Variants in ZMAT4 observed in about 807,000 individuals in gnomAD.
ZMAT4 encodes zinc finger matrin-type 4, also known as zinc finger matrin-type protein 4.
In ZMAT4, 17 loss-of-function variants were observed where a neutral mutation model predicts 28.7. The ratio of observed to expected loss-of-function variants is 0.59; its 90% confidence interval spans 0.41 to 0.89. The LOEUF (loss-of-function observed/expected upper bound fraction) is 0.89. Among genes scored for constraint, ZMAT4 ranks in the 40% least tolerant of loss-of-function variants. The probability of loss-of-function intolerance (pLI) is 0.00; values close to 1 mark genes in which losing one functional copy is unlikely to be tolerated. For synonymous variants in ZMAT4, 117 were observed against 109.2 expected (o/e 1.07, Z -0.44); for missense variants, 240 against 283.8 (o/e 0.85, Z 1.11).
chr8:40,649,265 G>A (rs1272739314), intron 5 of ZMAT4, among the ~76,000 whole-genome samples: 2 of 151,928 alleles, frequency 1.3e-5, no homozygotes, highest in Non-Finnish European at 2.9e-5. Context: ...AAAAGGCAGG[G>A]GTTGCAATCC....
At chr8:40,690,967 T>C in intron 4 of ZMAT4, 1 of 975,616 alleles carries the variant, frequency 1.0e-6, no homozygotes. Context: ...AAATACTTGA[T>C]TTAAAGTGTA....
intron 1 of ZMAT4, among the ~76,000 whole-genome samples, chr8:40,826,717 C>A (rs535705733): frequency 1.3e-5 from 2 of 152,154 alleles, no homozygotes; most frequent in Non-Finnish European, 2.9e-5. Flanking sequence ...CCACCTCCAC[C>A]ACCGCACACC....
At chr8:40,692,194 A>G (rs1809693517) in intron 4 of ZMAT4, among the ~76,000 whole-genome samples, 1 of 152,206 alleles carries the variant, frequency 6.6e-6, no homozygotes, top group African/African-American at 2.4e-5. Flanking sequence ...CCTGCAGAGC[A>G]CACCTCAGAA....
At chr8:40,657,502 AT>A (rs1201667743) in intron 5 of ZMAT4, among the ~76,000 whole-genome samples, 1 of 151,788 alleles carries the variant, frequency 6.6e-6, no homozygotes, top group African/African-American at 2.4e-5. Flanking sequence ...CCTGGATTTA[AT>A]TTTTTGTTTT....
chr8:40,674,543 C>T, intron 5 of ZMAT4, 161 bp downstream of exon 5: 1 of 593,924 alleles, frequency 1.7e-6, no homozygotes. Context: ...TAAACTAAAG[C>T]AAGCCTTCTG....
chr8:40,567,294 C>T (rs986165775), intron 6 of ZMAT4, among the ~76,000 whole-genome samples: 42 of 152,188 alleles, frequency 2.8e-4, no homozygotes, highest in South Asian at 1.7e-3. Flanking sequence ...ATACATGGTT[C>T]CTATTTGCTG....
chr8:40,557,103 C>T (rs144925345), intron 6 of ZMAT4, among the ~76,000 whole-genome samples: 1 of 152,142 alleles, frequency 6.6e-6, no homozygotes, highest in African/African-American at 2.4e-5. Context: ...TATTTCTGTG[C>T]CTGTCTGATC....
chr8:40,590,002 T>TTCCG (rs1804834230), intron 5 of ZMAT4, among the ~76,000 whole-genome samples: 1 of 118,376 alleles, frequency 8.4e-6, no homozygotes, highest in Admixed American at 9.7e-5. Flanking sequence ...CCTTCCTTCC[T>TTCCG]TCCTTCCTTC....
At chr8:40,757,549 G>A (rs1014909061) in intron 3 of ZMAT4, among the ~76,000 whole-genome samples, 1 of 149,698 alleles carries the variant, frequency 6.7e-6, no homozygotes, top group Non-Finnish European at 1.5e-5. Flanking sequence ...TTGTGCCACT[G>A]CACTCCAGGC....
Position 40,885,909 on chromosome 8 carries a change from C to G in ZMAT4, c.-5+11774G>C, listed in dbSNP as rs1317086520. ...ACGTTTCTCCCTTGCACTCATTGGC[C>G]CTTCCACAGGTTTGCTTATGTGTTT... On this transcript the variant is annotated intron_variant, in intron 1 of 6. Coordinates refer to ENST00000297737, the MANE Select transcript of ZMAT4 (RefSeq NM_024645.3). 1.3e-5 allele frequency among the ~76,000 whole-genome samples: 2 copies of G among 152,160 alleles called. 1 individual carries two copies.
In ZMAT4 at chr8:40,640,625, A is replaced by AT. The variant is rs1806977106; in HGVS notation, c.577+34078_577+34079insA. ...AGATCTTGGGATAGTTCCAGAAAAA[A>AT]GAAAAAAAGGTTTTTGTCAACTTAG... On this transcript the variant is annotated intron_variant, in intron 5 of 6. Transcript: ENST00000297737. 3.0e-5 allele frequency among the ~76,000 whole-genome samples: 3 copies of AT among 101,178 alleles called. No individual in the cohort carries two copies. The South Asian group carries it at 1.1e-3, about 36-fold the overall frequency. 66.4% of individuals were successfully genotyped at this position (101,178 alleles called of 152,430 possible).
At chr8:40,707,394 T>C (rs1312769307) in intron 3 of ZMAT4, among the ~76,000 whole-genome samples, 3 of 152,210 alleles carry the variant, frequency 2.0e-5, no homozygotes, top group African/African-American at 7.2e-5. Flanking sequence ...ATTCAAAAGA[T>C]ACTTGATGAA....
chr8:40,690,932 A>G, intron 4 of ZMAT4: 2 of 985,070 alleles, frequency 2.0e-6, no homozygotes, highest in Non-Finnish European at 2.4e-6. Context: ...CTTTTCTTAC[A>G]TTGTTTACTG....
intron 3 of ZMAT4, among the ~76,000 whole-genome samples, chr8:40,703,091 AAAAT>A (rs1241115588): frequency 6.6e-6 from 1 of 152,204 alleles, no homozygotes; most frequent in African/African-American, 2.4e-5. Context: ...TGGATTGACA[AAAAT>A]ATTGTGACCA....
chr8:40,593,383 A>C (rs908857659), intron 5 of ZMAT4, among the ~76,000 whole-genome samples: 1 of 152,216 alleles, frequency 6.6e-6, no homozygotes, highest in Non-Finnish European at 1.5e-5. Context: ...TATGCAGGGC[A>C]CAATGAACAA....
intron 5 of ZMAT4, among the ~76,000 whole-genome samples, chr8:40,672,856 ATCC>A (rs1808737742): frequency 6.6e-6 from 1 of 152,158 alleles, no homozygotes; most frequent in Admixed American, 6.5e-5. Context: ...AACATATGAA[ATCC>A]TCCATCAAAA....
chr8:40,535,329 G>C (rs1244471116), intron 6 of ZMAT4, among the ~76,000 whole-genome samples: 3 of 152,092 alleles, frequency 2.0e-5, no homozygotes, highest in African/African-American at 7.2e-5. Flanking sequence ...TCTCTGACCT[G>C]GTTTTGAGAC....
intron 3 of ZMAT4, among the ~76,000 whole-genome samples, chr8:40,760,762 G>GTC (rs1177939397): frequency 5.5e-4 from 78 of 141,058 alleles, no homozygotes; most frequent in Non-Finnish European, 1.1e-3. Flanking sequence ...CTCTGTCGCG[G>GTC]TCTCTCTCTC....
At position 40,575,980 on chromosome 8, in the gene ZMAT4, A is replaced by T. The variant is rs34591094; in HGVS notation, c.674+5185T>A. Among the ~76,000 whole-genome samples the T allele has an allele frequency of 6.5e-3, 987 of 152,268 alleles. 2 individuals are homozygous for T. Among genetic ancestry groups the T allele is most frequent in the Non-Finnish European group, 9.8e-3 (664 of 68,022 alleles). ...GTTAGATATCTCAAAAAAGATAACC[A>T]AACAAATCTTGGCAATGACAAATTC... On this transcript the variant is annotated intron_variant, in intron 6 of 6. Coordinates refer to ENST00000297737, the MANE Select transcript of ZMAT4 (RefSeq NM_024645.3).
Sources: gnomAD v4.1 joint callset for allele counts (sites outside exome capture counted in the v4.1 genomes callset) on GRCh38, gnomAD v4.1.1 for gene constraint, MANE v1.5 for transcripts, NCBI Gene and HGNC (gene_info 2026-07-23, HGNC 2026-07-21) for gene names.